Variants in TMEM63A observed in about 807,000 individuals in gnomAD.
TMEM63A encodes the protein mechanosensitive cation channel TMEM63A.
In TMEM63A, 76 loss-of-function variants were observed where a neutral mutation model predicts 100.6. The observed-to-expected ratio is 0.76, with a 90% CI of 0.63 to 0.91. The LOEUF (loss-of-function observed/expected upper bound fraction) is 0.91. Among genes scored for constraint, TMEM63A ranks in the 40% least tolerant of loss-of-function variants. The pLI is 0.00. For synonymous variants in TMEM63A, 401 were observed against 401.1 expected (o/e 1.00, Z 0.00); for missense variants, 876 against 1,008.8 (o/e 0.87, Z 1.78).
chr1:225,864,344 T>C (rs779129308), intron 10 of TMEM63A: 6 of 152,168 alleles, frequency 3.9e-5, no homozygotes, highest in Non-Finnish European at 8.8e-5. Flanking sequence ...AATTAAACAG[T>C]AGGACAATTT....
intron 9 of TMEM63A, 171 bp downstream of exon 9, chr1:225,866,403 G>T (rs1183973583): frequency 3.3e-6 from 2 of 604,700 alleles, no homozygotes; most frequent in Admixed American, 3.1e-5. Context: ...CCAGGAAACT[G>T]TTTTTTTTAA....
chr1:225,859,649 GTTT>G (rs57486744), intron 14 of TMEM63A: 22 of 268,690 alleles, frequency 8.2e-5, no homozygotes, highest in Middle Eastern at 1.2e-3. Context: ...TTCTTTTTCT[GTTT>G]TTTTTTTTTT....
chr1:225,874,482 C>T (rs2102643939), intron 3 of TMEM63A, 115 bp from the exon 4 acceptor site: 1 of 839,096 alleles, frequency 1.2e-6, no homozygotes, highest in South Asian at 1.7e-5. Context: ...AGAAGGAAAA[C>T]ACCCAGGCCC....
rs1281061577 is a variant in TMEM63A, at chr1:225,862,546, G to A, written c.860C>T (p.Thr287Ile). The A allele has an allele frequency of 1.2e-6, 2 of 1,614,090 alleles. No individual in the cohort carries two copies. Among genetic ancestry groups the A allele is most frequent in the African/African-American group, 1.3e-5 (1 of 75,046 alleles). The change falls in exon 12 of 25, where the codon ACA becomes ATA. Residue 287 changes from threonine to isoleucine, a missense_variant. Around this residue, in one of 5 missense-constraint regions of TMEM63A, gnomAD observed 487 missense variants for 581.9 expected, o/e 0.84. Transcript: ENST00000366835. This position sits in a 1 kb window ranked among gnomAD's most constrained non-coding sequence, Gnocchi z 5.1. ...KKTEKSLTYYTNLQVKTGQRT... is the reference protein window; with the variant it reads ...KKTEKSLTYYINLQVKTGQRT... ...CTGGCCTGTCTTCACCTGCAGGTTT[G>A]TGTAATAGGTCAGGCTCTTCTCAGT... is the stretch of plus-strand genomic sequence containing the variant.
At chr1:225,878,044 G>A (rs997878798) in intron 2 of TMEM63A, among the ~76,000 whole-genome samples, 7 of 152,132 alleles carry the variant, frequency 4.6e-5, no homozygotes, top group African/African-American at 1.2e-4. Context: ...GGAAAACACC[G>A]GGATAAACAA....
At chr1:225,850,469 T>G (rs1171217297) in intron 20 of TMEM63A, among the ~76,000 whole-genome samples, 2 of 152,204 alleles carry the variant, frequency 1.3e-5, no homozygotes, top group South Asian at 2.1e-4. Context: ...TGGGGGAGTT[T>G]ACCTAAATAG....
At chr1:225,872,633 C>T (rs1428783838) in intron 4 of TMEM63A, among the ~76,000 whole-genome samples, 1 of 151,760 alleles carries the variant, frequency 6.6e-6, no homozygotes, top group African/African-American at 2.4e-5. Flanking sequence ...CATAAAAACA[C>T]CCCATGCGCT....
In TMEM63A at chr1:225,862,760, C is replaced by T; in HGVS notation, c.827+11G>A. Reference sequence around the variant, plus strand: ...GGAGGGGGCATCTTGCAAGGCCCGCCCACCACTCACTTCTCCTTGCACAGG... The same window carrying T: ...GGAGGGGGCATCTTGCAAGGCCCGCTCACCACTCACTTCTCCTTGCACAGG... On this transcript the variant is annotated intron_variant, in intron 11 of 24. Coordinates refer to ENST00000366835, the MANE Select transcript of TMEM63A (RefSeq NM_014698.3). The surrounding 1 kb of genome is among the most constrained non-coding windows in gnomAD (Gnocchi z 5.1). 6.2e-7 allele frequency: 1 copy of T among 1,613,950 alleles called. No homozygotes were observed. Among genetic ancestry groups the T allele is most frequent in the East Asian group, 2.2e-5 (1 of 44,848 alleles).
Position 225,862,572 on chromosome 1 carries a change from CTTCT to C in TMEM63A, c.830_833del (p.Lys277ArgfsTer6). 6.2e-7 allele frequency: 1 copy of C among 1,613,476 alleles called. No homozygotes were observed. On this transcript the variant is annotated frameshift_variant and splice_region_variant, in exon 12 of 25. Coordinates refer to ENST00000366835, the MANE Select transcript of TMEM63A (RefSeq NM_014698.3). LOFTEE classifies it high-confidence loss of function. The surrounding 1 kb of genome is among the most constrained non-coding windows in gnomAD (Gnocchi z 5.1). ...TGTAATAGGTCAGGCTCTTCTCAGT[CTTCT>C]TTCTGTAGGGGTGGGAGCGGGGGCA...
chr1:225,869,659 T>TTCTTC (rs1190410491), intron 6 of TMEM63A, among the ~76,000 whole-genome samples: 27 of 22,836 alleles, frequency 1.2e-3, no homozygotes, highest in African/African-American at 2.0e-3. Flanking sequence ...CATATTTCTT[T>TTCTTC]TCTTTTCTTT....
rs758040194 is a variant in TMEM63A at position 225,865,864 on chromosome 1, G to C, written c.746+33C>G. ...GGGCTGTGTTGGTCCTACGTGGAGG[G>C]GGCTCAGCTCCCCTCCCACCCCACC... On this transcript the variant is annotated intron_variant, in intron 10 of 24. Transcript: ENST00000366835. This position sits in a 1 kb window ranked among gnomAD's most constrained non-coding sequence, Gnocchi z 4.6. 9 of 1,610,994 alleles carry C rather than the reference G, an allele frequency of 5.6e-6. No individual in the cohort carries two copies. The highest frequency in any genetic ancestry group is 7.6e-6 in the Non-Finnish European group (9 of 1,178,416).
At chr1:225,857,376 C>CGGGGTGGGGGGGGGGG (rs1213111924) in intron 15 of TMEM63A, among the ~76,000 whole-genome samples, 5 of 3,260 alleles carry the variant, frequency 1.5e-3, no homozygotes, top group Admixed American at 3.3e-3. Flanking sequence ...GAGTCCTGGC[C>CGGGGTGGGGGGGGGGG]GGCGGGGCGG....
rs760016927 is a variant in TMEM63A at position 225,862,814 on chromosome 1, G to C, written c.784C>G (p.Leu262Val). 1 of 1,613,944 alleles carries C rather than the reference G, an allele frequency of 6.2e-7. No individual in the cohort carries two copies. The highest frequency in any genetic ancestry group is 8.5e-7 in the Non-Finnish European group (1 of 1,179,994). ...YPTCEVVDVQ[L>V]CYNVAKLIYL... ...ATCAGTTTGGCCACGTTGTAGCACA[G>C]CTGCACATCAACCACCTCACACGTG... is the stretch of plus-strand genomic sequence containing the variant. Residue 262 changes from leucine to valine, a missense_variant, in exon 11 of 25, where the codon CTG (leucine) becomes GTG (valine). Coordinates refer to ENST00000366835, the MANE Select transcript of TMEM63A (RefSeq NM_014698.3). This position sits in a 1 kb window ranked among gnomAD's most constrained non-coding sequence, Gnocchi z 5.1.
In TMEM63A at chr1:225,855,956, A is replaced by AC. The variant is rs754939912; in HGVS notation, c.1572-17dup. ...AAAATCTAGACTGAAAAACAAAGGAACCCCCTAAGAGTTTATTTCCAGCAT... is the reference window on the plus strand; with the variant it reads ...AAAATCTAGACTGAAAAACAAAGGAACCCCCCTAAGAGTTTATTTCCAGCAT... On this transcript the variant is annotated splice_polypyrimidine_tract_variant and intron_variant, in intron 17 of 24. Transcript: ENST00000366835. 3.7e-6 allele frequency: 6 copies of AC among 1,612,406 alleles called. No individual in the cohort carries two copies. In the African/African-American group the frequency reaches 8.0e-5, roughly 22 times the overall value.
At chr1:225,841,894 GC>G (rs1668462030), downstream of TMEM63A, among the ~76,000 whole-genome samples, 1 of 152,182 alleles carries the variant, frequency 6.6e-6, no homozygotes, top group Non-Finnish European at 1.5e-5. Context: ...ATGAGCCAAT[GC>G]CCCCAGCCTG....
At chr1:225,881,654 C>A (rs925827089) in intron 1 of TMEM63A, among the ~76,000 whole-genome samples, 16 of 152,208 alleles carry the variant, frequency 1.1e-4, no homozygotes, top group African/African-American at 2.7e-4. Context: ...ACGCTGTCCA[C>A]CCCTGCCCTT....
At position 225,867,869 on chromosome 1, in the gene TMEM63A, G is replaced by A; in HGVS notation, c.514+19C>T. 1.9e-6 allele frequency: 3 copies of A among 1,613,934 alleles called. No individual in the cohort carries two copies. Among genetic ancestry groups the A allele is most frequent in the Non-Finnish European group, 2.5e-6 (3 of 1,179,964 alleles). ...CTCTGCCCCATTACAACATAGACAAGGGTGAGGAGGGTCATTACCCAGCAA... is the reference window on the plus strand; with the variant it reads ...CTCTGCCCCATTACAACATAGACAAAGGTGAGGAGGGTCATTACCCAGCAA... On this transcript the variant is annotated intron_variant, in intron 7 of 24. Coordinates refer to ENST00000366835, the MANE Select transcript of TMEM63A (RefSeq NM_014698.3). The surrounding 1 kb of genome is among the most constrained non-coding windows in gnomAD (Gnocchi z 4.6).
intron 23 of TMEM63A, 177 bp from the exon 24 acceptor site, chr1:225,847,390 A>G: frequency 1.4e-6 from 1 of 702,054 alleles, no homozygotes; most frequent in Non-Finnish European, 2.3e-6. Context: ...AGAATTTCCT[A>G]GCAGCCAGGG....
At chr1:225,871,853 A>T in intron 5 of TMEM63A, 134 bp downstream of exon 5, 1 of 654,636 alleles carries the variant, frequency 1.5e-6, no homozygotes, top group Non-Finnish European at 2.7e-6. Flanking sequence ...TCCCAAGTTC[A>T]GGTGCCTTCG....
Sources: allele counts gnomAD v4.1 joint callset (sites outside exome capture counted in the v4.1 genomes callset), GRCh38; gene constraint gnomAD v4.1.1; regional missense constraint gnomAD v4.1.1; non-coding constraint Gnocchi (gnomAD v3.1); transcripts MANE v1.5; gene names NCBI Gene and HGNC (gene_info 2026-07-23, HGNC 2026-07-21).